The following ANKFN1 variants were observed in gnomAD, a reference collection of about 807,000 sequenced individuals.
ANKFN1 encodes ankyrin repeat and fibronectin type III domain containing 1.
In ANKFN1, 74 loss-of-function variants were observed where a neutral mutation model predicts 108.7. That is an observed-to-expected ratio of 0.68 (90% CI 0.56 to 0.83). The LOEUF is 0.83. Among genes scored for constraint, ANKFN1 ranks in the 40% least tolerant of loss-of-function variants. The pLI, the probability that ANKFN1 is intolerant of heterozygous loss-of-function variation, is 0.00. For synonymous variants in ANKFN1, 547 were observed against 516.2 expected, an observed-to-expected ratio of 1.06 and a Z score of -0.81; for missense variants, 1,505 against 1,382.3, an observed-to-expected ratio of 1.09 and a Z score of -1.41.
In ANKFN1 at chr17:56,511,055, G is replaced by A. The variant is rs774590465; in HGVS notation, c.3227G>A (p.Arg1076Gln). 12 of 1,535,894 alleles carry A rather than the reference G, an allele frequency of 7.8e-6. No individual in the cohort carries two copies. The highest frequency in any genetic ancestry group is 1.0e-5 in the Non-Finnish European group (12 of 1,146,884). Reference protein sequence around the residue: ...LAHAASLPEERNSSLQDARPS... With the variant: ...LAHAASLPEEQNSSLQDARPS... The stretch of plus-strand genomic sequence containing the variant: ...CACGCTGCCAGCCTTCCTGAGGAGC[G>A]GAACAGCAGTCTCCAGGACGCGAGG... Residue 1076 changes from arginine (R) to glutamine (Q), a missense_variant, in exon 21 of 21, where the codon CGG becomes CAG. Coordinates refer to ENST00000682825, the MANE Select transcript of ANKFN1 (RefSeq NM_001370326.1).
intron 10 of ANKFN1, among the ~76,000 whole-genome samples, chr17:56,448,676 A>G (rs1033179136): frequency 6.6e-6 from 1 of 152,134 alleles, no homozygotes; most frequent in African/African-American, 2.4e-5. Flanking sequence ...GCACATTCCC[A>G]CCCCTTTCTT....
At chr17:56,191,274 T>A (rs1912897224) in intron 1 of ANKFN1, among the ~76,000 whole-genome samples, 1 of 26,964 alleles carries the variant, frequency 3.7e-5, no homozygotes, top group Non-Finnish European at 5.3e-5. Flanking sequence ...AGCTGGTGAT[T>A]TTGCTCGTTA....
chr17:56,398,823 ATAT>A, intron 8 of ANKFN1, among the ~76,000 whole-genome samples: 1 of 152,274 alleles, frequency 6.6e-6, no homozygotes, highest in Non-Finnish European at 1.5e-5. Context: ...GCCCCATGTG[ATAT>A]TATGAAGAAC....
intron 6 of ANKFN1, among the ~76,000 whole-genome samples, chr17:56,358,911 A>G (rs113900124): frequency 2.0e-3 from 309 of 152,182 alleles, no homozygotes; most frequent in African/African-American, 7.1e-3. Context: ...ACTAACTCGT[A>G]TTCTGCCCCC....
intron 6 of ANKFN1, among the ~76,000 whole-genome samples, chr17:56,354,973 G>T (rs1223650713): frequency 3.3e-5 from 5 of 152,088 alleles, no homozygotes; most frequent in Non-Finnish European, 2.9e-5. Flanking sequence ...TGCATCATAT[G>T]GTAGTTCTAT....
At chr17:56,120,531 A>G (rs1032629351) in intron 4 of ANKFN1, among the ~76,000 whole-genome samples, 3 of 152,114 alleles carry the variant, frequency 2.0e-5, no homozygotes, top group African/African-American at 7.2e-5. Flanking sequence ...ATGGAAGCCA[A>G]CTCTTATGAC....
chr17:56,241,456 T>C (rs1428874743), intron 3 of ANKFN1, among the ~76,000 whole-genome samples: 2 of 152,174 alleles, frequency 1.3e-5, no homozygotes, highest in African/African-American at 2.4e-5. Flanking sequence ...ATGAACTTGC[T>C]TTCCATATGT....
chr17:56,195,912 G>T (rs1484788710), intron 1 of ANKFN1, among the ~76,000 whole-genome samples: 1 of 152,088 alleles, frequency 6.6e-6, no homozygotes, highest in Non-Finnish European at 1.5e-5. Flanking sequence ...AGCATAATTA[G>T]TTCCTCCCTC....
intron 20 of ANKFN1, among the ~76,000 whole-genome samples, chr17:56,501,067 G>A (rs574880767): frequency 8.5e-4 from 129 of 152,274 alleles, no homozygotes; most frequent in African/African-American, 3.0e-3. Flanking sequence ...CCCAGAAGAA[G>A]AAGCTAGTAA....
intron 3 of ANKFN1, among the ~76,000 whole-genome samples, chr17:56,310,087 G>T (rs1343783410): frequency 6.6e-6 from 1 of 152,086 alleles, no homozygotes; most frequent in African/African-American, 2.4e-5. Context: ...ATGACTAGGG[G>T]CGTGTAGTGT....
At position 56,350,873 on chromosome 17, in the gene ANKFN1, A is replaced by C. The variant is rs1279559888; in HGVS notation, c.296A>C (p.Asn99Thr). ...SPNAAKRLYR[N>T]LSEKLKGSHS... ...AACGCAGCCAAACGCCTGTACAGGA[A>C]CCTCTCTGAGAAACTGAAAGGGAGC... The change falls in exon 5 of 21, where the codon AAC (asparagine) becomes ACC (threonine). Residue 99 changes from asparagine (N) to threonine (T), a missense_variant. By Grantham distance (65) the Asn-to-Thr change is moderately conservative (BLOSUM62 0). Transcript: ENST00000682825. 5 of 1,613,660 alleles carry C rather than the reference A, an allele frequency of 3.1e-6. No homozygotes were observed. The South Asian group carries it at 5.5e-5, about 18-fold the overall frequency.
At chr17:56,371,593 A>C (rs1405789687) in intron 6 of ANKFN1, among the ~76,000 whole-genome samples, 4 of 152,154 alleles carry the variant, frequency 2.6e-5, no homozygotes, top group African/African-American at 9.7e-5. Flanking sequence ...TCAGCAACAG[A>C]TCTGTAGGAC....
intron 8 of ANKFN1, among the ~76,000 whole-genome samples, chr17:56,405,094 G>A (rs8079979): frequency 0.029 from 4,393 of 152,278 alleles, 184 homozygotes; most frequent in African/African-American, 0.099. Context: ...AACTCCATGA[G>A]GGTTCTTAGC....
At chr17:56,370,356 C>A (rs750860708) in intron 6 of ANKFN1, among the ~76,000 whole-genome samples, 5 of 152,096 alleles carry the variant, frequency 3.3e-5, no homozygotes, top group Non-Finnish European at 7.3e-5. Flanking sequence ...CAGAAGGAGC[C>A]AAGCATAGTT....
At chr17:56,073,844 G>A (rs9889535) in intron 4 of ANKFN1, among the ~76,000 whole-genome samples, 8,483 of 152,214 alleles carry the variant, frequency 0.056, 821 homozygotes, top group African/African-American at 0.19. Context: ...TCAGTAGTCC[G>A]TTCCTTTTAT....
At chr17:56,149,324 A>T (rs769161945), upstream of ANKFN1, among the ~76,000 whole-genome samples, 1 of 152,204 alleles carries the variant, frequency 6.6e-6, no homozygotes, top group Non-Finnish European at 1.5e-5. Context: ...TGGATAAAGG[A>T]TGGTGGCTGT....
chr17:56,378,439 C>T (rs1376053451), intron 8 of ANKFN1, among the ~76,000 whole-genome samples: 2 of 152,160 alleles, frequency 1.3e-5, no homozygotes, highest in African/African-American at 4.8e-5. Context: ...TCTTCTTACC[C>T]TTTCTGTTTT....
At chr17:56,109,803 G>A (rs888434757) in intron 4 of ANKFN1, among the ~76,000 whole-genome samples, 1 of 152,198 alleles carries the variant, frequency 6.6e-6, no homozygotes, top group African/African-American at 2.4e-5. Context: ...GCTGCTGAGA[G>A]GATTAAATGA....
chr17:56,159,405 G>A (rs1353249487), intron 1 of ANKFN1, among the ~76,000 whole-genome samples: 1 of 152,096 alleles, frequency 6.6e-6, no homozygotes, highest in Non-Finnish European at 1.5e-5. Context: ...TTTTATTTCA[G>A]CATATCACAG....
Sources: gnomAD v4.1 joint callset for allele counts (sites outside exome capture counted in the v4.1 genomes callset) on GRCh38, gnomAD v4.1.1 for gene constraint, MANE v1.5 for transcripts, NCBI Gene and HGNC (gene_info 2026-07-23, HGNC 2026-07-21) for gene names.